The following IFNAR1 variants were observed in gnomAD, a reference collection of about 807,000 sequenced individuals.
IFNAR1 encodes the protein interferon alpha and beta receptor subunit 1.
IFNAR1 carries 47 observed loss-of-function variants against 62.1 expected under a neutral mutation model. The observed-to-expected ratio is 0.76, with a 90% CI of 0.60 to 0.97. The LOEUF (loss-of-function observed/expected upper bound fraction) is 0.97. Among genes scored for constraint, IFNAR1 ranks in the 50% least tolerant of loss-of-function variants. IFNAR1 has a pLI of 0.00. For missense variants in IFNAR1, 638 were observed against 654.5 expected (o/e 0.97, Z 0.27); for synonymous variants, 219 against 226.9 (o/e 0.97, Z 0.31).
intron 1 of IFNAR1, among the ~76,000 whole-genome samples, chr21:33,327,138 T>G (rs983983639): frequency 2.0e-5 from 3 of 152,216 alleles, no homozygotes; most frequent in African/African-American, 7.2e-5. Context: ...ACTAGGGTCC[T>G]GGTGCATCCC....
At chr21:33,344,286 C>T (rs2083323431) in intron 5 of IFNAR1, among the ~76,000 whole-genome samples, 1 of 152,108 alleles carries the variant, frequency 6.6e-6, no homozygotes, top group Admixed American at 6.6e-5. Context: ...GAAGTAGTTG[C>T]TAGTAGACAA....
chr21:33,327,099 A>T (rs1273289234), intron 1 of IFNAR1, among the ~76,000 whole-genome samples: 1 of 152,154 alleles, frequency 6.6e-6, no homozygotes, highest in East Asian at 1.9e-4. Flanking sequence ...TTCCACAAAT[A>T]TGTAGTATAC....
chr21:33,347,659 C>T (rs1390178166), intron 6 of IFNAR1, among the ~76,000 whole-genome samples: 1 of 152,166 alleles, frequency 6.6e-6, no homozygotes, highest in African/African-American at 2.4e-5. Flanking sequence ...TTAATTACAT[C>T]TGTGAAATAC....
upstream of IFNAR1, chr21:33,324,847 G>A (rs921995756): frequency 1.0e-5 from 6 of 589,064 alleles, no homozygotes; most frequent in Non-Finnish European, 1.5e-5. Flanking sequence ...TGCTAGCTAG[G>A]AGGAAAGGCG....
At position 33,349,520 on chromosome 21, in the gene IFNAR1, T is replaced by G; in HGVS notation, c.1120T>G (p.Trp374Gly). 6.2e-7 allele frequency: 1 copy of G among 1,609,722 alleles called. No individual in the cohort carries two copies. Residue 374 changes from tryptophan to glycine, a missense_variant, in exon 8 of 11, where the codon TGG (tryptophan) becomes GGG (glycine). Transcript: ENST00000270139. The part of the protein sequence containing the change: ...DYPLIYEIIF[W>G]ENTSNAERKI... Reference sequence around the variant, plus strand: ...TCCACTGATTTATGAAATTATTTTTTGGGAAAACACTTCAAATGCTGAGGT... The same window carrying G: ...TCCACTGATTTATGAAATTATTTTTGGGGAAAACACTTCAAATGCTGAGGT...
chr21:33,340,892 G>T, intron 2 of IFNAR1, 107 bp from the exon 3 acceptor site: 1 of 686,936 alleles, frequency 1.5e-6, no homozygotes, highest in Non-Finnish European at 2.5e-6. Flanking sequence ...TCTTAAACAA[G>T]AGTTATTAAG....
chr21:33,349,736 G>A (rs2083383171), intron 8 of IFNAR1, among the ~76,000 whole-genome samples, 193 bp downstream of exon 8: 1 of 152,000 alleles, frequency 6.6e-6, no homozygotes, highest in African/African-American at 2.4e-5. Flanking sequence ...ACCAGCCTGG[G>A]CAACATAGGG....
At position 33,358,195 on chromosome 21, in the gene IFNAR1, C is replaced by T. The variant is rs149720401; in HGVS notation, c.*2646C>T. 14 of 152,276 alleles carry T rather than the reference C, an allele frequency of 9.2e-5. No individual in the cohort carries two copies. Among genetic ancestry groups the T allele is most frequent in the East Asian group, 3.9e-4 (2 of 5,182 alleles). 9.4% of individuals were successfully genotyped at this position (152,276 alleles called of 1,614,324 possible). A position where few individuals can be genotyped will look rare whatever the true frequency, so the allele number is the denominator to read the frequency against. On this transcript the variant is annotated 3_prime_UTR_variant, in exon 11 of 11. Transcript: ENST00000270139. ...AGAAAACAACAACAAAAAAACACCT[C>T]GTTTTTACCTTGTCTTCTAGACATG... is the stretch of plus-strand genomic sequence containing the variant.
At chr21:33,345,685 C>G (rs771015620) in intron 6 of IFNAR1, among the ~76,000 whole-genome samples, 27 of 152,216 alleles carry the variant, frequency 1.8e-4, no homozygotes, top group Admixed American at 2.0e-4. Flanking sequence ...CTGGAAGACT[C>G]GACAGTTGAC....
chr21:33,339,946 AAAAAG>A (rs1210812257), intron 2 of IFNAR1, among the ~76,000 whole-genome samples: 1 of 151,446 alleles, frequency 6.6e-6, no homozygotes. Flanking sequence ...AAAAAAAAAA[AAAAAG>A]AAATCTGCTA....
chr21:33,340,047 C>T (rs895968144), intron 2 of IFNAR1, among the ~76,000 whole-genome samples: 16 of 152,024 alleles, frequency 1.1e-4, no homozygotes, highest in African/African-American at 3.6e-4. Context: ...GCACTCCATG[C>T]CCACTTTATT....
Position 33,353,753 on chromosome 21 carries a change from A to C in IFNAR1, c.1410A>C (p.Pro470=). The change falls in exon 10 of 11, where the codon CCA becomes CCC. Residue 470 remains proline, a synonymous_variant. Transcript: ENST00000270139. Reference sequence around the variant, plus strand: ...GATGCATCAATTATGTCTTCTTTCCATCACTTAAACCTTCTTCCAGTATAG... The same window carrying C: ...GATGCATCAATTATGTCTTCTTTCCCTCACTTAAACCTTCTTCCAGTATAG... ...FLRCINYVFF[P]SLKPSSSIDE... is the part of the protein sequence containing the mutation. 1 of 1,589,370 alleles carries C rather than the reference A, an allele frequency of 6.3e-7. No homozygotes were observed. Among genetic ancestry groups the C allele is most frequent in the Non-Finnish European group, 8.5e-7 (1 of 1,170,948 alleles).
rs369053157 is a variant in IFNAR1, at chr21:33,355,404, C to T, written c.1529C>T (p.Thr510Ile). ...TGTTTCATAATTGAAAATATAAGCA[C>T]AATTGCTACAGTAGAAGAAACTAAT... ...EKCFIIENIS[T>I]IATVEETNQT... Residue 510 changes from threonine (T) to isoleucine (I), a missense_variant, in exon 11 of 11, where the codon ACA (threonine) becomes ATA (isoleucine). Thr to Ile is a moderately conservative substitution (Grantham distance 89). Transcript: ENST00000270139. 6.9e-6 allele frequency: 11 copies of T among 1,600,448 alleles called. No individual in the cohort carries two copies. The African/African-American group carries it at 1.3e-4, about 20-fold the overall frequency.
In IFNAR1 at chr21:33,335,563, A is replaced by G; in HGVS notation, c.116A>G (p.Asp39Gly). The change falls in exon 2 of 11, where the codon GAC becomes GGC. Residue 39 changes from aspartate (D) to glycine (G), a missense_variant. Coordinates refer to ENST00000270139, the MANE Select transcript of IFNAR1 (RefSeq NM_000629.3). ...AAATCTCCTCAAAAAGTAGAGGTCG[A>G]CATCATAGATGACAACTTTATCCTG... ...NLKSPQKVEV[D>G]IIDDNFILRW... The G allele has an allele frequency of 6.2e-7, 1 of 1,606,676 alleles. No homozygotes were observed. Among genetic ancestry groups the G allele is most frequent in the Non-Finnish European group, 8.5e-7 (1 of 1,175,630 alleles).
At chr21:33,325,216 C>A in intron 1 of IFNAR1, 85 bp downstream of exon 1, 1 of 1,151,936 alleles carries the variant, frequency 8.7e-7, no homozygotes, top group Non-Finnish European at 1.3e-6. Context: ...CTGTTGGGGG[C>A]GACAGACGCC....
In IFNAR1 at chr21:33,331,342, G is replaced by A. The variant is rs138995717; in HGVS notation, c.77-4182G>A. Reference sequence around the variant, plus strand: ...ACCACCCAGAGCAGTCACACTCCCCGGGCCTCAGCTGAAGGAGCACATCAC... The same window carrying A: ...ACCACCCAGAGCAGTCACACTCCCCAGGCCTCAGCTGAAGGAGCACATCAC... On this transcript the variant is annotated intron_variant, in intron 1 of 10. Transcript: ENST00000270139. 6.0e-4 allele frequency among the ~76,000 whole-genome samples: 91 copies of A among 152,202 alleles called. 1 individual carries two copies. Among genetic ancestry groups the A allele is most frequent in the Non-Finnish European group, 9.1e-4 (62 of 67,994 alleles).
At position 33,343,342 on chromosome 21, in the gene IFNAR1, A is replaced by G. The variant is rs1176182803; in HGVS notation, c.451A>G (p.Lys151Glu). The G allele has an allele frequency of 1.9e-6, 3 of 1,612,684 alleles. No homozygotes were observed. The highest frequency in any genetic ancestry group is 2.5e-6 in the Non-Finnish European group (3 of 1,178,834). ...AIVIHISPGTKDSVMWALDGL... is the reference protein window; with the variant it reads ...AIVIHISPGTEDSVMWALDGL... ...AGTGATACACATCTCTCCTGGAACA[A>G]AAGATAGTGTTATGTGGGCTTTGGA... The change falls in exon 4 of 11, where the codon AAA (lysine) becomes GAA (glutamate). Residue 151 changes from lysine (K) to glutamate (E), a missense_variant. Transcript: ENST00000270139.
upstream of IFNAR1, chr21:33,324,587 T>G (rs2083104861): frequency 6.4e-6 from 1 of 157,270 alleles, no homozygotes; most frequent in Non-Finnish European, 1.4e-5. Flanking sequence ...GCCCTCCGAC[T>G]GCAGACATGG....
At chr21:33,352,735 A>G in intron 8 of IFNAR1, 23 bp from the exon 9 acceptor site, 1 of 1,336,660 alleles carries the variant, frequency 7.5e-7, no homozygotes, top group South Asian at 1.4e-5. Context: ...AAATTTTATC[A>G]GTGATTTAAT....
Sources: gnomAD v4.1 joint callset for allele counts (sites outside exome capture counted in the v4.1 genomes callset) on GRCh38, gnomAD v4.1.1 for gene constraint, MANE v1.5 for transcripts, NCBI Gene and HGNC (gene_info 2026-07-23, HGNC 2026-07-21) for gene names.